PTPRA: variants seen among roughly 807,000 people sequenced by gnomAD.
The protein encoded by PTPRA is receptor-type tyrosine-protein phosphatase alpha.
A neutral mutation model predicts 104.8 loss-of-function variants in PTPRA; 25 were observed. The ratio of observed to expected loss-of-function variants is 0.24; its 90% CI spans 0.17 to 0.33. The LOEUF is 0.33. Among genes scored for constraint, PTPRA ranks in the 10% least tolerant of loss-of-function variants. The pLI is 1.00. For missense variants in PTPRA, 765 were observed against 1,015.3 expected, an observed-to-expected ratio of 0.75 and a Z score of 3.35; for synonymous variants, 323 against 368.9, an observed-to-expected ratio of 0.88 and a Z score of 1.43.
the PTPRA span, chr20:2,864,512 G>A: frequency 4.1e-5 from 66 of 1,613,914 alleles, no homozygotes; most frequent in Non-Finnish European, 5.5e-5. This position sits in a 1 kb window ranked among gnomAD's most constrained non-coding sequence, Gnocchi z 5.2. Flanking sequence ...CACTTGAGTT[G>A]GCCTTGCTGA....
chr20:2,983,394 C>G (rs1428523271), intron 6 of PTPRA, among the ~76,000 whole-genome samples: 2 of 152,010 alleles, frequency 1.3e-5, no homozygotes, highest in African/African-American at 4.8e-5. Flanking sequence ...AGATTTCATT[C>G]TGAGGCATGA....
intron 3 of PTPRA, among the ~76,000 whole-genome samples, chr20:2,956,124 G>A (rs780190961): frequency 6.6e-6 from 1 of 152,192 alleles, no homozygotes; most frequent in African/African-American, 2.4e-5. Context: ...CTGCCCTGCT[G>A]TGAGATCCAT....
At chr20:2,923,541 G>A (rs1016363606) in intron 2 of PTPRA, among the ~76,000 whole-genome samples, 14 of 151,774 alleles carry the variant, frequency 9.2e-5, no homozygotes, top group African/African-American at 3.4e-4. Context: ...GATCACGCCT[G>A]TAATCCCAGC....
At chr20:2,989,869 T>G (rs552957711) in intron 9 of PTPRA, among the ~76,000 whole-genome samples, 1 of 152,076 alleles carries the variant, frequency 6.6e-6, no homozygotes, top group African/African-American at 2.4e-5. Context: ...TACAAAAAAT[T>G]AGCTGGGCAT....
At chr20:3,010,285 A>G (rs987389761) in intron 11 of PTPRA, among the ~76,000 whole-genome samples, 2 of 152,112 alleles carry the variant, frequency 1.3e-5, no homozygotes, top group African/African-American at 2.4e-5. Flanking sequence ...AGCCCTGTCA[A>G]CAGTCTCATG....
chr20:2,903,930 T>C (rs1187725311), intron 1 of PTPRA, among the ~76,000 whole-genome samples: 1 of 151,882 alleles, frequency 6.6e-6, no homozygotes, highest in Non-Finnish European at 1.5e-5. Context: ...TTTTTGAGAC[T>C]GGATCTTTTA....
intron 6 of PTPRA, among the ~76,000 whole-genome samples, chr20:2,978,971 C>T (rs550349962): frequency 6.6e-6 from 1 of 152,336 alleles, no homozygotes; most frequent in South Asian, 2.1e-4. Flanking sequence ...CAAAGCCAAT[C>T]TCTTCCCTTC....
chr20:3,018,884 TG>T (rs2064637737), intron 13 of PTPRA, among the ~76,000 whole-genome samples: 1 of 26,486 alleles, frequency 3.8e-5, no homozygotes, highest in Non-Finnish European at 6.8e-5. Flanking sequence ...CCGGACGGGG[TG>T]GCTGGCCGGG....
chr20:2,925,255 A>G (rs2060252420), intron 2 of PTPRA, among the ~76,000 whole-genome samples: 1 of 152,106 alleles, frequency 6.6e-6, no homozygotes, highest in African/African-American at 2.4e-5. Context: ...TGACTATAAT[A>G]GTTACCTCGT....
chr20:2,914,812 C>T (rs535920122), intron 1 of PTPRA, among the ~76,000 whole-genome samples: 1 of 152,214 alleles, frequency 6.6e-6, no homozygotes. Flanking sequence ...TGTGTAACCC[C>T]AAAATCTGTA....
chr20:2,864,684 G>C, the PTPRA span: 1 of 1,606,502 alleles, frequency 6.2e-7, no homozygotes, highest in East Asian at 2.2e-5. The surrounding 1 kb of genome is among the most constrained non-coding windows in gnomAD (Gnocchi z 5.2). Context: ...TGTGGGGCGT[G>C]TGGGGCATGT....
chr20:2,954,405 T>C (rs2061464243), intron 3 of PTPRA, among the ~76,000 whole-genome samples: 1 of 151,528 alleles, frequency 6.6e-6, no homozygotes, highest in Admixed American at 6.6e-5. Context: ...ATGTATTTTG[T>C]AGAGATGAGG....
At chr20:2,875,241 C>T (rs1345318198) in intron 1 of PTPRA, among the ~76,000 whole-genome samples, 1 of 152,144 alleles carries the variant, frequency 6.6e-6, no homozygotes, top group Non-Finnish European at 1.5e-5. Context: ...CCATGTCCAT[C>T]CCACCCAGCC....
intron 3 of PTPRA, among the ~76,000 whole-genome samples, chr20:2,954,776 C>T (rs776341555): frequency 3.3e-5 from 5 of 152,092 alleles, no homozygotes; most frequent in Non-Finnish European, 5.9e-5. Flanking sequence ...TTTGCCAAAT[C>T]CAAAGTCATG....
chr20:2,982,091 C>CTT (rs11475103), intron 6 of PTPRA, among the ~76,000 whole-genome samples: 12 of 136,600 alleles, frequency 8.8e-5, no homozygotes, highest in South Asian at 2.3e-4. Context: ...TCTTCTTCTT[C>CTT]TTTTTTTTTT....
intron 13 of PTPRA, 35 bp from the exon 14 acceptor site, chr20:3,021,274 C>T (rs906664048): frequency 3.2e-5 from 52 of 1,612,854 alleles, no homozygotes; most frequent in Non-Finnish European, 4.3e-5. Context: ...GGCAGGAGGT[C>T]TAAGGTCAGG....
chr20:2,947,970 C>T lies in PTPRA; in HGVS notation c.-49-12C>T, dbSNP rs1022016919. On this transcript the variant is annotated splice_polypyrimidine_tract_variant and intron_variant, in intron 2 of 23. Transcript: ENST00000399903. ...ACTCCTAATTAACTGTTTTTTATTT[C>T]TTTTTTTCTAGGACACATGTTCAAA... 9.4e-7 allele frequency: 1 copy of T among 1,061,316 alleles called. No individual in the cohort carries two copies. The highest frequency in any genetic ancestry group is 1.3e-6 in the Non-Finnish European group (1 of 786,794). 65.7% of individuals were successfully genotyped at this position (1,061,316 alleles called of 1,614,324 possible).
At chr20:3,026,834 CCA>C (rs2065169243) in intron 18 of PTPRA, 54 bp downstream of exon 18, 1 of 1,407,830 alleles carries the variant, frequency 7.1e-7, no homozygotes, top group Non-Finnish European at 1.0e-6. Flanking sequence ...TCAATTCCCT[CCA>C]CCCCTTCCAT....
intron 7 of PTPRA, 115 bp from the exon 8 acceptor site, chr20:2,987,917 C>T (rs774911351): frequency 1.1e-5 from 11 of 1,040,460 alleles, no homozygotes; most frequent in East Asian, 2.4e-5. Context: ...TAAAAAAGCC[C>T]GATTATTTTT....
Sources: gnomAD v4.1 joint callset for allele counts (sites outside exome capture counted in the v4.1 genomes callset) on GRCh38, gnomAD v4.1.1 for gene constraint, Gnocchi (gnomAD v3.1) non-coding constraint, MANE v1.5 for transcripts, NCBI Gene and HGNC (gene_info 2026-07-23, HGNC 2026-07-21) for gene names.